The following NF2 variants were observed in gnomAD, a reference collection of about 807,000 sequenced individuals.
NF2 encodes the protein NF2, moesin-ezrin-radixin like (MERLIN) tumor suppressor, also known as merlin.
In NF2, 8 loss-of-function variants were observed where a neutral mutation model predicts 83.7. The ratio of observed to expected loss-of-function variants is 0.10; its 90% CI spans 0.06 to 0.17. The LOEUF is 0.17. NF2 is among the 10% of genes least tolerant of loss of function. The pLI is 1.00. For synonymous variants in NF2, 266 were observed against 269.6 expected (o/e 0.99, Z 0.13); for missense variants, 533 against 744.4 (o/e 0.72, Z 3.31).
intron 1 of NF2, among the ~76,000 whole-genome samples, chr22:29,627,189 T>C (rs1421120782): frequency 6.6e-6 from 1 of 152,162 alleles, no homozygotes; most frequent in Non-Finnish European, 1.5e-5. Flanking sequence ...TGCTACATGG[T>C]TTATACAAAG....
chr22:29,605,361 C>G (rs186975307), intron 1 of NF2, among the ~76,000 whole-genome samples: 1 of 152,220 alleles, frequency 6.6e-6, no homozygotes, highest in Non-Finnish European at 1.5e-5. Flanking sequence ...GACAGGGTTT[C>G]ACCATATTGG....
intron 14 of NF2, among the ~76,000 whole-genome samples, chr22:29,678,538 A>G (rs897912655): frequency 6.6e-6 from 1 of 152,102 alleles, no homozygotes; most frequent in Non-Finnish European, 1.5e-5. Flanking sequence ...AAAAATAACA[A>G]TTTTTATCCA....
chr22:29,653,584 A>G (rs1378278973), intron 4 of NF2, among the ~76,000 whole-genome samples: 1 of 152,214 alleles, frequency 6.6e-6, no homozygotes, highest in African/African-American at 2.4e-5. Flanking sequence ...TTAAGGTGAT[A>G]TGGGAATGAG....
intron 1 of NF2, among the ~76,000 whole-genome samples, chr22:29,610,164 C>T (rs1018243333): frequency 6.6e-6 from 1 of 151,638 alleles, no homozygotes; most frequent in Non-Finnish European, 1.5e-5. Flanking sequence ...ATAGAGAGAC[C>T]CCAACTCTAA....
intron 2 of NF2, among the ~76,000 whole-genome samples, 178 bp downstream of exon 2, chr22:29,637,054 A>G (rs1348016114): frequency 2.0e-5 from 3 of 152,150 alleles, no homozygotes. Flanking sequence ...CCTTCTCCTC[A>G]CAGGCTCTCC....
At chr22:29,614,810 T>C (rs2065043040) in intron 1 of NF2, among the ~76,000 whole-genome samples, 1 of 151,914 alleles carries the variant, frequency 6.6e-6, no homozygotes, top group African/African-American at 2.4e-5. Flanking sequence ...CACTTTAGGA[T>C]GTTGAGGTGG....
chr22:29,620,809 C>T (rs1380611320), intron 1 of NF2, among the ~76,000 whole-genome samples: 1 of 152,076 alleles, frequency 6.6e-6, no homozygotes. Context: ...ATCCTCCTGC[C>T]TCAGCCTCCC....
At chr22:29,657,927 T>C (rs2066361204) in intron 6 of NF2, among the ~76,000 whole-genome samples, 1 of 152,136 alleles carries the variant, frequency 6.6e-6, no homozygotes, top group African/African-American at 2.4e-5. Context: ...AAGGGCAAGG[T>C]GGGAAACTAA....
At chr22:29,671,421 C>T (rs1333919118) in intron 10 of NF2, among the ~76,000 whole-genome samples, 3 of 151,938 alleles carry the variant, frequency 2.0e-5, no homozygotes, top group African/African-American at 7.3e-5. Context: ...CCCAGCTACT[C>T]GGGAGGCTGA....
chr22:29,659,984 A>G (rs2066430112), intron 7 of NF2, among the ~76,000 whole-genome samples: 1 of 152,188 alleles, frequency 6.6e-6, no homozygotes, highest in Non-Finnish European at 1.5e-5. Flanking sequence ...CTGCTGTTAG[A>G]TGGGTACTTC....
chr22:29,660,476 A>G (rs1209614486), intron 7 of NF2, among the ~76,000 whole-genome samples: 2 of 152,248 alleles, frequency 1.3e-5, no homozygotes, highest in Non-Finnish European at 2.9e-5. Context: ...ATTTTATCAT[A>G]AAATGAGACC....
At chr22:29,626,444 G>T (rs1393884512) in intron 1 of NF2, among the ~76,000 whole-genome samples, 1 of 152,040 alleles carries the variant, frequency 6.6e-6, no homozygotes, top group Admixed American at 6.6e-5. Flanking sequence ...GAGCCACCAC[G>T]CCCAGCCCCA....
chr22:29,646,034 A>G (rs2065973521), intron 4 of NF2, among the ~76,000 whole-genome samples: 1 of 152,212 alleles, frequency 6.6e-6, no homozygotes, highest in Non-Finnish European at 1.5e-5. Flanking sequence ...TAGTTAAAGG[A>G]TATCTGATTA....
At chr22:29,668,846 A>G (rs1176570155) in intron 10 of NF2, among the ~76,000 whole-genome samples, 1 of 152,200 alleles carries the variant, frequency 6.6e-6, no homozygotes, top group Non-Finnish European at 1.5e-5. Flanking sequence ...GTGGCATTTC[A>G]GTGCTTGCGG....
intron 4 of NF2, among the ~76,000 whole-genome samples, chr22:29,644,166 G>A (rs2065906828): frequency 6.6e-6 from 1 of 151,580 alleles, no homozygotes; most frequent in Non-Finnish European, 1.5e-5. Flanking sequence ...TTCACAGACG[G>A]GGCGGTTGCC....
In NF2 at chr22:29,685,955, C is replaced by CT. The variant is rs35000328; in HGVS notation, c.1737+4367dup. 2.9e-3 allele frequency among the ~76,000 whole-genome samples: 429 copies of CT among 147,184 alleles called. 2 individuals are homozygous for CT. Among genetic ancestry groups the CT allele is most frequent in the Middle Eastern group, 7.0e-3 (2 of 286 alleles). ...TATAATTCTTACTCGCTCGCTCTCT[C>CT]TTTTTTTTTTTTTATTATACTTTAA... On this transcript the variant is annotated intron_variant, in intron 15 of 15. Coordinates refer to ENST00000338641, the MANE Select transcript of NF2 (RefSeq NM_000268.4).
chr22:29,657,779 G>A (rs935984095), intron 6 of NF2, among the ~76,000 whole-genome samples: 2 of 152,146 alleles, frequency 1.3e-5, no homozygotes, highest in Non-Finnish European at 2.9e-5. Context: ...TTCATTTCCA[G>A]AACCTTCCAG....
chr22:29,612,189 G>A (rs1345394230), intron 1 of NF2, among the ~76,000 whole-genome samples: 2 of 152,124 alleles, frequency 1.3e-5, no homozygotes, highest in South Asian at 2.1e-4. Context: ...TGTATTTTTA[G>A]TATAGAGGGG....
rs575788608 is a variant in NF2, at chr22:29,672,605, C to G, written c.1122+657C>G. On this transcript the variant is annotated intron_variant, in intron 11 of 15. Coordinates refer to ENST00000338641, the MANE Select transcript of NF2 (RefSeq NM_000268.4). ...GGGATTATAGGTGTTAGCCACCGTG[C>G]CCAGCTGTACTTTTATTTTTTTTTT... Among the ~76,000 whole-genome samples, 14 of 151,404 alleles carry G rather than the reference C, an allele frequency of 9.2e-5. No individual in the cohort carries two copies. The East Asian group carries it at 2.5e-3, about 27-fold the overall frequency.
Sources: gnomAD v4.1 joint callset for allele counts (sites outside exome capture counted in the v4.1 genomes callset) on GRCh38, gnomAD v4.1.1 for gene constraint, MANE v1.5 for transcripts, NCBI Gene and HGNC (gene_info 2026-07-23, HGNC 2026-07-21) for gene names.